The following FAM120A variants were observed in gnomAD, a reference collection of about 807,000 sequenced individuals.
FAM120A encodes constitutive coactivator of PPAR-gamma-like protein 1.
A neutral mutation model predicts 109.7 loss-of-function variants in FAM120A; 15 were observed. The observed-to-expected ratio is 0.14, with a 90% CI of 0.09 to 0.21. The LOEUF (loss-of-function observed/expected upper bound fraction) is 0.21, where lower values mean the gene tolerates loss of function less well. Among genes scored for constraint, FAM120A ranks in the 10% least tolerant of loss-of-function variants. The probability of loss-of-function intolerance (pLI) is 1.00; values close to 1 mark genes in which losing one functional copy is unlikely to be tolerated. For synonymous variants in FAM120A, 493 were observed against 572.8 expected, an observed-to-expected ratio of 0.86 and a Z score of 1.99; for missense variants, 899 against 1,439.3, an observed-to-expected ratio of 0.62 and a Z score of 6.07.
chr9:93,558,320 G>T (rs1222487308), intron 14 of FAM120A, among the ~76,000 whole-genome samples: 5 of 152,228 alleles, frequency 3.3e-5, no homozygotes, highest in African/African-American at 1.2e-4. Context: ...GTCAGAGAGA[G>T]CCATCTTCCA....
At position 93,516,853 on chromosome 9, in the gene FAM120A, A is replaced by T. The variant is rs565746438; in HGVS notation, c.1418+584A>T. 5.1e-4 allele frequency among the ~76,000 whole-genome samples: 77 copies of T among 152,344 alleles called. 1 individual carries two copies. In the South Asian group the frequency reaches 0.015, roughly 30 times the overall value. On this transcript the variant is annotated intron_variant, in intron 7 of 17. Coordinates refer to ENST00000277165, the MANE Select transcript of FAM120A (RefSeq NM_014612.5). ...CAAATACATAGTTGGTTAAAATTTG[A>T]TCGAGGAAATCTTTAATTTGCACTC... is the stretch of plus-strand genomic sequence containing the variant.
Position 93,550,667 on chromosome 9 carries a change from G to A in FAM120A, c.2250G>A (p.Glu750=), listed in dbSNP as rs776976771. The A allele has an allele frequency of 1.2e-6, 2 of 1,613,840 alleles. No homozygotes were observed. The highest frequency in any genetic ancestry group is 8.5e-7 in the Non-Finnish European group (1 of 1,179,988). Residue 750 remains glutamate (E), a synonymous_variant, in exon 12 of 18, where the codon GAG becomes GAA. Coordinates refer to ENST00000277165, the MANE Select transcript of FAM120A (RefSeq NM_014612.5). ...AGGCGCTGTCCCCCAAACTCTACGA[G>A]CCTGATCAGCTCCAGGAGCTCAAGG... The part of the protein sequence containing the change: ...LAQALSPKLY[E]PDQLQELKIE...
chr9:93,506,722 C>T (rs539460035), intron 5 of FAM120A, among the ~76,000 whole-genome samples: 12 of 152,118 alleles, frequency 7.9e-5, no homozygotes, highest in Non-Finnish European at 1.2e-4. Flanking sequence ...CTCAGCCTCC[C>T]GAGTAGCTGG....
chr9:93,548,057 G>T (rs1309340295), intron 11 of FAM120A, among the ~76,000 whole-genome samples: 1 of 151,990 alleles, frequency 6.6e-6, no homozygotes, highest in Non-Finnish European at 1.5e-5. Flanking sequence ...AGCCAGGAAA[G>T]ATCTTGAGAG....
At chr9:93,561,649 C>T (rs184484932) in intron 16 of FAM120A, among the ~76,000 whole-genome samples, 1 of 152,232 alleles carries the variant, frequency 6.6e-6, no homozygotes, top group Admixed American at 6.5e-5. Flanking sequence ...CCCACCTCGG[C>T]CTTGCAAAGT....
intron 10 of FAM120A, among the ~76,000 whole-genome samples, chr9:93,541,214 A>G (rs1861687565): frequency 6.6e-6 from 1 of 152,164 alleles, no homozygotes; most frequent in African/African-American, 2.4e-5. Context: ...ATAGCAACAT[A>G]GCATATTGGC....
chr9:93,513,946 AG>A (rs35991745), intron 5 of FAM120A, among the ~76,000 whole-genome samples: 42,393 of 152,060 alleles, frequency 0.28, 6,968 homozygotes, highest in East Asian at 0.42. Flanking sequence ...AGGCAGTGTG[AG>A]AGGTGGTGGT....
At chr9:93,494,906 A>G (rs139577425) in intron 3 of FAM120A, among the ~76,000 whole-genome samples, 27 of 152,222 alleles carry the variant, frequency 1.8e-4, no homozygotes, top group African/African-American at 6.5e-4. Context: ...TGGCCATTCT[A>G]TGGACCTCAC....
At chr9:93,517,471 T>C (rs980088416) in intron 7 of FAM120A, among the ~76,000 whole-genome samples, 4 of 152,152 alleles carry the variant, frequency 2.6e-5, no homozygotes, top group Non-Finnish European at 5.9e-5. Flanking sequence ...CACACTGAAG[T>C]TTGAGAACAA....
In FAM120A at chr9:93,516,207, C is replaced by T. The variant is rs778202542; in HGVS notation, c.1356C>T (p.Tyr452=). 1.2e-6 allele frequency: 2 copies of T among 1,613,984 alleles called. No individual in the cohort carries two copies. Among genetic ancestry groups the T allele is most frequent in the Non-Finnish European group, 8.5e-7 (1 of 1,179,864 alleles). The change falls in exon 7 of 18, where the codon TAC becomes TAT. Residue 452 remains tyrosine, a synonymous_variant. Coordinates refer to ENST00000277165, the MANE Select transcript of FAM120A (RefSeq NM_014612.5). ...SGSPNHVDSA[Y]FPGSSTSSSS... ...GCCCCAACCACGTGGATTCCGCCTA[C>T]TTCCCTGGCTCTTCTACATCGTCAT...
intron 1 of FAM120A, among the ~76,000 whole-genome samples, chr9:93,455,699 G>A (rs1190327541): frequency 1.3e-5 from 2 of 151,382 alleles, no homozygotes; most frequent in Non-Finnish European, 1.5e-5. Flanking sequence ...GTCTCACTCT[G>A]TCTCTCAGGC....
At position 93,532,241 on chromosome 9, in the gene FAM120A, G is replaced by A. The variant is rs764439839; in HGVS notation, c.1821G>A (p.Gln607=). Residue 607 remains glutamine (Q), a synonymous_variant, in exon 10 of 18, where the codon CAG becomes CAA. Coordinates refer to ENST00000277165, the MANE Select transcript of FAM120A (RefSeq NM_014612.5). This position sits in a 1 kb window ranked among gnomAD's most constrained non-coding sequence, Gnocchi z 4.3. The part of the protein sequence containing the change: ...PAALLYRPVR[Q]YVYGVLFSLA... ...CTCTGCTCTATAGGCCAGTTCGTCA[G>A]TATGTTTACGGAGTCCTGTTTAGTT... 1.5e-5 allele frequency: 24 copies of A among 1,614,262 alleles called. No individual in the cohort carries two copies. Among genetic ancestry groups the A allele is most frequent in the Non-Finnish European group, 1.9e-5 (22 of 1,180,044 alleles).
chr9:93,456,281 G>A (rs1315649491), intron 1 of FAM120A, among the ~76,000 whole-genome samples: 1 of 152,184 alleles, frequency 6.6e-6, no homozygotes, highest in African/African-American at 2.4e-5. Context: ...GAAGTCACTG[G>A]AGCTTTCATA....
intron 7 of FAM120A, among the ~76,000 whole-genome samples, chr9:93,520,379 A>G (rs1322838838): frequency 1.3e-5 from 2 of 152,186 alleles, no homozygotes; most frequent in Non-Finnish European, 2.9e-5. Context: ...TAAAGGTATA[A>G]GCATGGAATT....
intron 12 of FAM120A, among the ~76,000 whole-genome samples, chr9:93,554,605 A>C (rs1349689412): frequency 6.6e-6 from 1 of 152,150 alleles, no homozygotes; most frequent in African/African-American, 2.4e-5. Context: ...CCTGGGAGGC[A>C]GAGGTTGCAG....
chr9:93,565,257 G>T lies in FAM120A; in HGVS notation c.*717G>T, dbSNP rs370743906. On this transcript the variant is annotated 3_prime_UTR_variant, in exon 18 of 18. Coordinates refer to ENST00000277165, the MANE Select transcript of FAM120A (RefSeq NM_014612.5). ...ACACAATGTGTTCTGAAACTTTCGTGACTAATACCATGCATCTGTGATCAA... is the reference window on the plus strand; with the variant it reads ...ACACAATGTGTTCTGAAACTTTCGTTACTAATACCATGCATCTGTGATCAA... 6.6e-6 allele frequency: 1 copy of T among 152,650 alleles called. No individual in the cohort carries two copies. Among genetic ancestry groups the T allele is most frequent in the East Asian group, 1.9e-4 (1 of 5,192 alleles). The allele number at this position is 152,650 out of a possible 1,614,324, so 9.5% of individuals were successfully genotyped here.
chr9:93,453,539 G>C (rs1030247309), intron 1 of FAM120A: 2 of 985,278 alleles, frequency 2.0e-6, no homozygotes, highest in African/African-American at 1.7e-5. Flanking sequence ...CTGTCTTCGC[G>C]GTTGCCCCCA....
intron 10 of FAM120A, among the ~76,000 whole-genome samples, chr9:93,536,648 T>C (rs189160054): frequency 9.8e-5 from 15 of 152,352 alleles, no homozygotes; most frequent in African/African-American, 3.4e-4. Flanking sequence ...TGTTCATAAT[T>C]TACAGCTAGC....
At chr9:93,555,530 CG>C (rs1862258400) in intron 12 of FAM120A, among the ~76,000 whole-genome samples, 1 of 152,174 alleles carries the variant, frequency 6.6e-6, no homozygotes, top group Non-Finnish European at 1.5e-5. Context: ...CCACCAAAGT[CG>C]GAAGACAAAA....
Sources: gnomAD v4.1 joint callset for allele counts (sites outside exome capture counted in the v4.1 genomes callset) on GRCh38, gnomAD v4.1.1 for gene constraint, Gnocchi (gnomAD v3.1) non-coding constraint, MANE v1.5 for transcripts, NCBI Gene and HGNC (gene_info 2026-07-23, HGNC 2026-07-21) for gene names.